The following APOL5 variants were observed in gnomAD, a reference collection of about 807,000 sequenced individuals.
APOL5 encodes apolipoprotein L5, also known as apolipoprotein L, 5.
APOL5 carries 29 observed loss-of-function variants against 35.5 expected under a neutral mutation model. The observed-to-expected ratio is 0.82, with a 90% confidence interval of 0.61 to 1.11. APOL5 has a LOEUF of 1.11. Ranked by LOEUF, APOL5 falls within the 50% of genes most tolerant of loss-of-function variation. The pLI is 0.00. For synonymous variants in APOL5, 188 were observed against 200.2 expected, an observed-to-expected ratio of 0.94 and a Z score of 0.51; for missense variants, 514 against 530.4, an observed-to-expected ratio of 0.97 and a Z score of 0.30.
chr22:35,724,189 G>C (rs1226828791), intron 2 of APOL5, among the ~76,000 whole-genome samples: 1 of 151,820 alleles, frequency 6.6e-6, no homozygotes, highest in Non-Finnish European at 1.5e-5. Context: ...AGTGTCGCTA[G>C]GTGTGGTTGC....
the APOL5 span, among the ~76,000 whole-genome samples, chr22:35,711,250 G>A: frequency 1.3e-5 from 2 of 152,162 alleles, no homozygotes; most frequent in Admixed American, 1.3e-4. Flanking sequence ...AGTTCATGAT[G>A]TGTATATATC....
chr22:35,718,285 C>T (rs763453392), intron 1 of APOL5, among the ~76,000 whole-genome samples: 1 of 152,158 alleles, frequency 6.6e-6, no homozygotes, highest in Non-Finnish European at 1.5e-5. Flanking sequence ...AAGGTGGCGA[C>T]ATTATCAAAG....
rs368682678 is a variant in APOL5 at position 35,720,571 on chromosome 22, T to TG, written c.62dup (p.Glu22ArgfsTer4). ...CCTGATCCTTGTCCATCTCCAGGCT[T>TG]GGGAGAAGGTTGTAAAGAAATGTGG... On this transcript the variant is annotated frameshift_variant, in exon 2 of 5. Coordinates refer to ENST00000249044, the MANE Select transcript of APOL5 (RefSeq NM_030642.1). LOFTEE classifies it high-confidence loss of function. The TG allele has an allele frequency of 6.2e-7, 1 of 1,614,034 alleles. No homozygotes were observed. Among genetic ancestry groups the TG allele is most frequent in the Non-Finnish European group, 8.5e-7 (1 of 1,179,924 alleles).
At position 35,720,654 on chromosome 22, in the gene APOL5, C is replaced by G. The variant is rs750413929; in HGVS notation, c.142C>G (p.Pro48Ala). 6.2e-7 allele frequency: 1 copy of G among 1,606,502 alleles called. No homozygotes were observed. Among genetic ancestry groups the G allele is most frequent in the Non-Finnish European group, 8.5e-7 (1 of 1,173,654 alleles). Reference protein sequence around the residue: ...VWGKSPEPEFPSLVNLCQSWK... With the variant: ...VWGKSPEPEFASLVNLCQSWK... ...GGGGAAGTCCCCAGAACCTGAGTTC[C>G]GTGAGGGCAGAGAACAGGCTGTTAT... Residue 48 changes from proline to alanine, a missense_variant and splice_region_variant, in exon 2 of 5, where the codon CCC becomes GCC. Physicochemically the swap from Pro to Ala is conservative, Grantham distance 27. Coordinates refer to ENST00000249044, the MANE Select transcript of APOL5 (RefSeq NM_030642.1).
upstream of APOL5, among the ~76,000 whole-genome samples, chr22:35,717,235 A>AAAAAAAAATATATATATAT: frequency 1.7e-5 from 1 of 57,662 alleles, no homozygotes; most frequent in Non-Finnish European, 3.1e-5. Context: ...AAAAAAAAAA[A>AAAAAAAAATATATATATAT]ATATATATAT....
At chr22:35,721,748 A>C in intron 2 of APOL5, among the ~76,000 whole-genome samples, 1 of 151,900 alleles carries the variant, frequency 6.6e-6, no homozygotes, top group East Asian at 1.9e-4. Flanking sequence ...AGCTCCTGGG[A>C]CTTCCCTTTC....
chr22:35,717,910 T>C lies in APOL5; in HGVS notation c.39T>C (p.Gly13=), dbSNP rs368647027. The C allele has an allele frequency of 1.1e-5, 18 of 1,592,754 alleles. No homozygotes were observed. The African/African-American group carries it at 2.2e-4, about 19-fold the overall frequency. The change falls in exon 1 of 5, where the codon GGT becomes GGC. Residue 13 remains glycine (G), a synonymous_variant. Transcript: ENST00000249044. ...AACAAGGAAATTTGCAAGTTCCCGG[T>C]TCCAAGGTGTTACCTGGTAAGTTCT... ...CGKQGNLQVP[G]SKVLPGLGEG... is the part of the protein sequence containing the mutation.
At chr22:35,722,525 T>C (rs1405213965) in intron 2 of APOL5, among the ~76,000 whole-genome samples, 1 of 152,160 alleles carries the variant, frequency 6.6e-6, no homozygotes. Flanking sequence ...GGTCTCGAAC[T>C]CCTGACCTCA....
intron 2 of APOL5, among the ~76,000 whole-genome samples, chr22:35,724,730 C>T (rs1927091020): frequency 6.6e-6 from 1 of 152,168 alleles, no homozygotes; most frequent in Non-Finnish European, 1.5e-5. Flanking sequence ...CCTGCCTCAG[C>T]CTCCTGAGTA....
chr22:35,711,864 G>A, the APOL5 span, among the ~76,000 whole-genome samples: 4 of 151,990 alleles, frequency 2.6e-5, no homozygotes, highest in East Asian at 1.9e-4. Flanking sequence ...TAGTGGAGAC[G>A]GGGTTTCGCC....
chr22:35,729,022 T>TG (rs1375608202), intron 4 of APOL5, 118 bp downstream of exon 4: 2 of 1,195,854 alleles, frequency 1.7e-6, no homozygotes, highest in Non-Finnish European at 1.1e-6. Flanking sequence ...CAGAGGTTGT[T>TG]GCTACCTTTC....
intron 1 of APOL5, among the ~76,000 whole-genome samples, chr22:35,719,793 G>A (rs1926896201): frequency 6.6e-6 from 1 of 152,218 alleles, no homozygotes; most frequent in Admixed American, 6.5e-5. Context: ...AAAGCAGAGG[G>A]TCTAATTTCT....
Position 35,726,860 on chromosome 22 carries a change from C to A in APOL5, c.792C>A (p.Ala264=), listed in dbSNP as rs1336640788. 1.7e-5 allele frequency: 27 copies of A among 1,614,186 alleles called. No homozygotes were observed. Among genetic ancestry groups the A allele is most frequent in the Non-Finnish European group, 2.1e-5 (25 of 1,180,036 alleles). The change falls in exon 3 of 5, where the codon GCC becomes GCA. Residue 264 remains alanine (A), a synonymous_variant. Transcript: ENST00000249044. The stretch of plus-strand genomic sequence containing the variant: ...TGGCTATGGTCAAGAATTTTGTGGC[C>A]AAGAGACACATCCCTTTCTGGACGG... ...GFMAMVKNFV[A]KRHIPFWTAR... is the part of the protein sequence containing the mutation.
chr22:35,712,017 T>C, the APOL5 span, among the ~76,000 whole-genome samples: 6 of 151,878 alleles, frequency 4.0e-5, no homozygotes, highest in Admixed American at 3.9e-4. Context: ...GCTGTTTGTT[T>C]GTTTTTTGAG....
chr22:35,725,334 C>T (rs1005565953), intron 2 of APOL5, among the ~76,000 whole-genome samples: 8 of 152,014 alleles, frequency 5.3e-5, no homozygotes, highest in African/African-American at 1.9e-4. Context: ...GGCGCTATTT[C>T]GGCTCACTGC....
chr22:35,723,319 A>ACCC (rs1927038128), intron 2 of APOL5, among the ~76,000 whole-genome samples: 2 of 152,150 alleles, frequency 1.3e-5, no homozygotes, highest in Non-Finnish European at 2.9e-5. Context: ...TACAAGTCAA[A>ACCC]CCCTGTTACG....
chr22:35,709,299 C>A, the APOL5 span, among the ~76,000 whole-genome samples: 1 of 152,126 alleles, frequency 6.6e-6, no homozygotes, highest in Non-Finnish European at 1.5e-5. Context: ...AATGTCTTTT[C>A]TTCTGTGCTC....
chr22:35,717,583 T>C (rs1926796132), upstream of APOL5, among the ~76,000 whole-genome samples: 1 of 149,930 alleles, frequency 6.7e-6, no homozygotes. Context: ...CTACTAAAAA[T>C]ACAAAAATTA....
the APOL5 span, among the ~76,000 whole-genome samples, chr22:35,709,195 A>G: frequency 5.9e-5 from 9 of 152,262 alleles, no homozygotes; most frequent in African/African-American, 2.2e-4. Context: ...ACGTATGCAT[A>G]TGCAGGTTTT....
Sources: allele counts gnomAD v4.1 joint callset (sites outside exome capture counted in the v4.1 genomes callset), GRCh38; gene constraint gnomAD v4.1.1; transcripts MANE v1.5; gene names NCBI Gene and HGNC (gene_info 2026-07-23, HGNC 2026-07-21).